DMD: variants seen among roughly 807,000 people sequenced by gnomAD.
DMD encodes dystrophin.
A neutral mutation model predicts 330.1 loss-of-function variants in DMD; 63 were observed. The ratio of observed to expected loss-of-function variants is 0.19; its 90% CI spans 0.16 to 0.24. DMD has a LOEUF of 0.24. DMD is among the 10% of genes least tolerant of loss of function. The pLI, the probability that DMD is intolerant of heterozygous loss-of-function variation, is 1.00. For synonymous variants in DMD, 1,223 were observed against 959.8 expected (o/e 1.27, Z -5.07); for missense variants, 3,344 against 2,684.1 (o/e 1.25, Z -5.43).
At chrX:32,030,102 A>C (rs2095873169) in intron 44 of DMD, among the ~76,000 whole-genome samples, 1 of 112,099 alleles carries the variant, frequency 8.9e-6, no homozygotes, top group African/African-American at 3.2e-5. Context: ...TTGAGAATGG[A>C]GTTAAAAAAT....
chrX:32,838,393 C>T lies in DMD; in HGVS notation c.264+6390G>A, dbSNP rs778225496. On this transcript the variant is annotated intron_variant, in intron 4 of 78. Transcript: ENST00000357033. Reference sequence around the variant, plus strand: ...GTATTTCTCCTAATTCTATCCCTCCCCTAGCCCCCCACCCTCTGACAGGCC... The same window carrying T: ...GTATTTCTCCTAATTCTATCCCTCCTCTAGCCCCCCACCCTCTGACAGGCC... Among the ~76,000 whole-genome samples the T allele has an allele frequency of 3.6e-5, 4 of 110,843 alleles. No individual in the cohort carries two copies. In the Admixed American group the frequency reaches 3.9e-4, roughly 11 times the overall value.
intron 9 of DMD, among the ~76,000 whole-genome samples, chrX:32,680,793 CACACACACACAGAAACACAT>C (rs2062356664): frequency 9.2e-6 from 1 of 108,225 alleles, no homozygotes. Context: ...TTCTCCCCAG[CACACACACACAGAAACACAT>C]ACACACACAC....
At chrX:32,541,470 T>C (rs1603635878) in intron 17 of DMD, among the ~76,000 whole-genome samples, 1 of 112,498 alleles carries the variant, frequency 8.9e-6, no homozygotes, top group South Asian at 3.7e-4. Context: ...ACAGTTGTTT[T>C]ATAAAGTGAG....
intron 62 of DMD, among the ~76,000 whole-genome samples, chrX:31,299,586 G>A (rs138633424): frequency 1.4e-3 from 149 of 110,364 alleles, no homozygotes; most frequent in African/African-American, 4.6e-3. Context: ...GACCATCCTG[G>A]CCAAATTGGT....
chrX:33,104,491 A>C (rs1284691463), intron 1 of DMD, among the ~76,000 whole-genome samples: 1 of 110,060 alleles, frequency 9.1e-6, no homozygotes, highest in Non-Finnish European at 1.9e-5. Context: ...CTGGCTCAAA[A>C]GCTCCCCCAC....
chrX:31,760,024 A>C (rs1003816426), intron 51 of DMD, among the ~76,000 whole-genome samples: 2 of 111,781 alleles, frequency 1.8e-5, no homozygotes, highest in African/African-American at 6.5e-5. Flanking sequence ...AGAAATACTG[A>C]GCTAACAATA....
At chrX:31,660,285 T>G (rs1344911264) in intron 53 of DMD, among the ~76,000 whole-genome samples, 1 of 112,197 alleles carries the variant, frequency 8.9e-6, no homozygotes, top group East Asian at 2.8e-4. Flanking sequence ...ACAGTTTCTA[T>G]TCTCCACTTT....
At chrX:32,787,247 T>TGAGA (rs1214278194) in intron 7 of DMD, among the ~76,000 whole-genome samples, 7 of 77,576 alleles carry the variant, frequency 9.0e-5, no homozygotes, top group East Asian at 7.5e-4. Context: ...TGTGTGTGTG[T>TGAGA]GAGAGAGAGA....
At chrX:31,235,816 TG>T (rs1313490038) in intron 63 of DMD, among the ~76,000 whole-genome samples, 1 of 112,337 alleles carries the variant, frequency 8.9e-6, no homozygotes, top group African/African-American at 3.2e-5. Context: ...ATAAAGGAAT[TG>T]GGACAAAGAG....
chrX:32,107,126 G>A (rs2096567596), intron 44 of DMD, among the ~76,000 whole-genome samples: 1 of 110,831 alleles, frequency 9.0e-6, no homozygotes, highest in African/African-American at 3.3e-5. Context: ...CAGTATGTGG[G>A]AGTGTAAAGC....
chrX:33,085,956 G>GA (rs2094999342), intron 1 of DMD: 1 of 111,696 alleles, frequency 9.0e-6, no homozygotes, highest in South Asian at 3.6e-4. Flanking sequence ...AACAAAAAAA[G>GA]AAAAAAAGTT....
intron 44 of DMD, among the ~76,000 whole-genome samples, chrX:32,177,226 C>T (rs189028098): frequency 8.9e-6 from 1 of 111,904 alleles, no homozygotes; most frequent in Non-Finnish European, 1.9e-5. Context: ...TCTCTCTGAA[C>T]CATTCTCCAC....
chrX:31,727,556 C>T (rs768720874), intron 52 of DMD, among the ~76,000 whole-genome samples: 22 of 111,908 alleles, frequency 2.0e-4, no homozygotes, highest in South Asian at 3.8e-4. Context: ...TTCATCTGCC[C>T]ATTAAATGCA....
At chrX:32,600,968 CT>C (rs200843236) in intron 12 of DMD, among the ~76,000 whole-genome samples, 1 of 110,824 alleles carries the variant, frequency 9.0e-6, no homozygotes, top group Non-Finnish European at 1.9e-5. Context: ...CAGGAATTGA[CT>C]TTTTTTCAAA....
chrX:32,368,069 A>G (rs1299140164), intron 34 of DMD, among the ~76,000 whole-genome samples: 1 of 111,732 alleles, frequency 8.9e-6, no homozygotes, highest in Non-Finnish European at 1.9e-5. Flanking sequence ...TTAATCAAAG[A>G]TATGACTTAA....
intron 67 of DMD, among the ~76,000 whole-genome samples, chrX:31,184,205 G>A (rs1012136732): frequency 2.7e-5 from 3 of 112,226 alleles, no homozygotes; most frequent in Non-Finnish European, 5.6e-5. Context: ...CACTGCGCCT[G>A]GCCCAAGTAT....
intron 44 of DMD, among the ~76,000 whole-genome samples, chrX:32,157,324 T>C (rs2096834176): frequency 8.9e-6 from 1 of 112,079 alleles, no homozygotes; most frequent in African/African-American, 3.2e-5. Flanking sequence ...ACCACATATA[T>C]CTACACCCTT....
At chrX:32,172,834 G>A (rs911070069) in intron 44 of DMD, among the ~76,000 whole-genome samples, 23 of 111,619 alleles carry the variant, frequency 2.1e-4, no homozygotes, top group African/African-American at 6.5e-4. Context: ...AATTTTTAAT[G>A]AGTTTGCACT....
At chrX:32,309,697 A>G (rs1389179237) in intron 42 of DMD, among the ~76,000 whole-genome samples, 2 of 111,328 alleles carry the variant, frequency 1.8e-5, no homozygotes, top group African/African-American at 6.5e-5. Flanking sequence ...AAAACAATAT[A>G]CATTACATAT....
Sources: gnomAD v4.1 joint callset for allele counts (sites outside exome capture counted in the v4.1 genomes callset) on GRCh38, gnomAD v4.1.1 for gene constraint, MANE v1.5 for transcripts, NCBI Gene and HGNC (gene_info 2026-07-23, HGNC 2026-07-21) for gene names.